Variants in ZNF469 observed in about 807,000 individuals in gnomAD.
ZNF469 encodes the protein zinc finger protein 469.
A neutral mutation model predicts 1.0 loss-of-function variants in ZNF469; 1 was observed. That is an observed-to-expected ratio of 1.00 (90% CI 0.35 to 4.73). The LOEUF (loss-of-function observed/expected upper bound fraction) is 4.73, where lower values mean the gene tolerates loss of function less well. Among genes scored for constraint, ZNF469 ranks in the 30% most tolerant of loss-of-function variants. The pLI is 0.16. For synonymous variants in ZNF469, 2,703 were observed against 2,363.4 expected, an observed-to-expected ratio of 1.14 and a Z score of -4.17; for missense variants, 6,100 against 5,356.3, an observed-to-expected ratio of 1.14 and a Z score of -4.33.
At chr16:88,357,024 G>A in the ZNF469 span, among the ~76,000 whole-genome samples, 1 of 152,260 alleles carries the variant, frequency 6.6e-6, no homozygotes, top group South Asian at 2.1e-4. Context: ...GGGAGCTGCA[G>A]GGTGCCCGGC....
chr16:88,344,987 C>T, the ZNF469 span, among the ~76,000 whole-genome samples: 10 of 152,208 alleles, frequency 6.6e-5, no homozygotes, highest in Admixed American at 2.6e-4. Context: ...ACAGAAGTCG[C>T]CCTGACTTGG....
the ZNF469 span, among the ~76,000 whole-genome samples, chr16:88,304,406 G>C: frequency 1.3e-5 from 2 of 152,174 alleles, no homozygotes; most frequent in Admixed American, 1.3e-4. Context: ...AACTGAGAAG[G>C]GCCAGGACAG....
the ZNF469 span, among the ~76,000 whole-genome samples, chr16:88,214,047 T>C: frequency 6.6e-6 from 1 of 152,198 alleles, no homozygotes; most frequent in Non-Finnish European, 1.5e-5. Context: ...CAGATTTGGG[T>C]GGTTACTCTT....
At chr16:88,347,266 C>T in the ZNF469 span, among the ~76,000 whole-genome samples, 10 of 152,180 alleles carry the variant, frequency 6.6e-5, no homozygotes, top group Non-Finnish European at 1.0e-4. Context: ...CCCCAAAAGA[C>T]GTCAGGGCCC....
At chr16:88,400,703 C>T (rs1184166565) in intron 1 of ZNF469, among the ~76,000 whole-genome samples, 1 of 150,292 alleles carries the variant, frequency 6.7e-6, no homozygotes, top group Non-Finnish European at 1.5e-5. Flanking sequence ...ATTCCAGAGG[C>T]TGAGGGCAAG....
At chr16:88,200,433 G>A in the ZNF469 span, among the ~76,000 whole-genome samples, 4 of 152,212 alleles carry the variant, frequency 2.6e-5, no homozygotes. Flanking sequence ...AGAAGGGACC[G>A]CACCTGCCCC....
chr16:88,154,070 G>A, the ZNF469 span, among the ~76,000 whole-genome samples: 13 of 152,322 alleles, frequency 8.5e-5, no homozygotes, highest in African/African-American at 2.2e-4. Context: ...CAGCTTCTCC[G>A]GTCCTCTGGT....
the ZNF469 span, among the ~76,000 whole-genome samples, chr16:88,377,497 TG>T: frequency 6.6e-6 from 1 of 152,204 alleles, no homozygotes; most frequent in African/African-American, 2.4e-5. Flanking sequence ...TGCTCTCGAC[TG>T]GGGCCATTCA....
chr16:88,135,772 T>TTGGGATGGAG, the ZNF469 span, among the ~76,000 whole-genome samples: 1 of 141,698 alleles, frequency 7.1e-6, no homozygotes, highest in South Asian at 2.4e-4. Context: ...TTTTTTTTTT[T>TTGGGATGGAG]TTTTTTGGGA....
chr16:88,396,612 A>C (rs954510769), intron 1 of ZNF469, among the ~76,000 whole-genome samples: 4 of 150,254 alleles, frequency 2.7e-5, no homozygotes, highest in African/African-American at 4.9e-5. Flanking sequence ...ACCCATCTGA[A>C]GGGAGGCCGG....
upstream of ZNF469, among the ~76,000 whole-genome samples, chr16:88,381,333 C>G (rs960335711): frequency 2.0e-5 from 3 of 149,654 alleles, no homozygotes; most frequent in African/African-American, 7.5e-5. Flanking sequence ...GAGACATGCA[C>G]TCGCACACAG....
the ZNF469 span, among the ~76,000 whole-genome samples, chr16:88,330,322 C>G: frequency 6.6e-6 from 1 of 152,222 alleles, no homozygotes; most frequent in African/African-American, 2.4e-5. Flanking sequence ...TGTGTACTGT[C>G]GGATACGGTC....
At chr16:88,380,891 T>G (rs1443154841), upstream of ZNF469, among the ~76,000 whole-genome samples, 1 of 95,632 alleles carries the variant, frequency 1.0e-5, no homozygotes, top group Non-Finnish European at 2.0e-5. Flanking sequence ...CACCCAGACA[T>G]GCACTCACAC....
the ZNF469 span, among the ~76,000 whole-genome samples, chr16:88,356,723 G>T: frequency 6.6e-6 from 1 of 152,170 alleles, no homozygotes; most frequent in Non-Finnish European, 1.5e-5. Flanking sequence ...GTCGTTCCGT[G>T]ACCTTGACGC....
In ZNF469 at chr16:88,424,520, G is replaced by A. The variant is rs752354574; in HGVS notation, c.-191-287G>A. Among the ~76,000 whole-genome samples the A allele has an allele frequency of 1.3e-5, 2 of 152,164 alleles. No individual in the cohort carries two copies. The highest frequency in any genetic ancestry group is 6.5e-5 in the Admixed American group (1 of 15,282). ...AGCTGCATGTACACACAATCTATGCGTACATAAAGACCCAACAAAAAGAGA... is the reference window on the plus strand; with the variant it reads ...AGCTGCATGTACACACAATCTATGCATACATAAAGACCCAACAAAAAGAGA... On this transcript the variant is annotated intron_variant, in intron 1 of 2. Coordinates refer to ENST00000565624, the MANE Select transcript of ZNF469 (RefSeq NM_001367624.2). The surrounding 1 kb of genome is among the most constrained non-coding windows in gnomAD (Gnocchi z 4.3).
At chr16:88,398,708 C>T (rs984484277) in intron 1 of ZNF469, among the ~76,000 whole-genome samples, 2 of 151,998 alleles carry the variant, frequency 1.3e-5, no homozygotes, top group Admixed American at 6.6e-5. Flanking sequence ...GCATGTGAGC[C>T]ACAAATGAAG....
At chr16:88,179,383 T>C in the ZNF469 span, among the ~76,000 whole-genome samples, 2 of 152,156 alleles carry the variant, frequency 1.3e-5, no homozygotes, top group Non-Finnish European at 1.5e-5. Context: ...CACTGTGCCC[T>C]CTGCACACAT....
the ZNF469 span, among the ~76,000 whole-genome samples, chr16:88,341,342 T>C: frequency 1.3e-5 from 2 of 152,054 alleles, no homozygotes; most frequent in African/African-American, 2.4e-5. Context: ...ACTGGGAACA[T>C]GCGTTTGGAA....
At chr16:88,140,762 C>A in the ZNF469 span, among the ~76,000 whole-genome samples, 1 of 152,032 alleles carries the variant, frequency 6.6e-6, no homozygotes, top group South Asian at 2.1e-4. Context: ...CGAAACCCCA[C>A]CTCTACTAAA....
Sources: gnomAD v4.1 joint callset for allele counts (sites outside exome capture counted in the v4.1 genomes callset) on GRCh38, gnomAD v4.1.1 for gene constraint, Gnocchi (gnomAD v3.1) non-coding constraint, MANE v1.5 for transcripts, NCBI Gene and HGNC (gene_info 2026-07-23, HGNC 2026-07-21) for gene names.